Variants in ZHX3 observed in about 807,000 individuals in gnomAD.
ZHX3 encodes zinc fingers and homeoboxes 3.
Under a neutral mutation model 64.5 loss-of-function variants are expected in ZHX3, and 20 were observed. The observed-to-expected ratio is 0.31, with a 90% CI of 0.22 to 0.45. The LOEUF is 0.45. Ranked by LOEUF, ZHX3 falls within the 20% of genes least tolerant of loss-of-function variation. The pLI, the probability that ZHX3 is intolerant of heterozygous loss-of-function variation, is 1.00. For synonymous variants in ZHX3, 423 were observed against 461.6 expected (o/e 0.92, Z 1.07); for missense variants, 1,041 against 1,195.8 (o/e 0.87, Z 1.91).
In ZHX3 at chr20:41,183,273, C is replaced by T. The variant is rs1261437189; in HGVS notation, c.*1918G>A. The stretch of plus-strand genomic sequence containing the variant: ...TGTTCTCTGAAGGAAAGCAATCACT[C>T]GCCATTCTTGGCAATTCCTCAAAGG... On this transcript the variant is annotated 3_prime_UTR_variant, in exon 4 of 4. Transcript: ENST00000683867. This position sits in a 1 kb window ranked among gnomAD's most constrained non-coding sequence, Gnocchi z 5.3. 6.6e-6 allele frequency: 1 copy of T among 152,228 alleles called. No homozygotes were observed. Among genetic ancestry groups the T allele is most frequent in the African/African-American group, 2.4e-5 (1 of 41,454 alleles). 9.4% of individuals were successfully genotyped at this position (152,228 alleles called of 1,614,324 possible). A position where few individuals can be genotyped will look rare whatever the true frequency, so the allele number is the denominator to read the frequency against.
intron 1 of ZHX3, among the ~76,000 whole-genome samples, chr20:41,309,643 C>G (rs1210797631): frequency 6.6e-6 from 1 of 152,212 alleles, no homozygotes; most frequent in Non-Finnish European, 1.5e-5. Context: ...ACTTTTCCAT[C>G]TCCCTCGGGT....
chr20:41,202,588 G>A lies in ZHX3; in HGVS notation c.2329C>T (p.His777Tyr). Residue 777 changes from histidine to tyrosine, a missense_variant, in exon 3 of 4, where the codon CAC (histidine) becomes TAC (tyrosine). Physicochemically the swap from His to Tyr is moderately conservative, Grantham distance 83 (BLOSUM62 2). This residue lies in a region of ZHX3 where 649 missense variants were observed against 739.8 expected (regional missense o/e 0.88). Coordinates refer to ENST00000683867, the MANE Select transcript of ZHX3 (RefSeq NM_001384317.1). The surrounding 1 kb of genome is among the most constrained non-coding windows in gnomAD (Gnocchi z 7.0). ...VSCKKTAQQR[H>Y]LLRQLFVQTQ... ...TGGACAAAGAGCTGCCGCAGCAAGT[G>A]CCGCTGCTGGGCAGTCTTTTTGCAG... is the stretch of plus-strand genomic sequence containing the variant. 1 of 1,613,930 alleles carries A rather than the reference G, an allele frequency of 6.2e-7. No homozygotes were observed. Among genetic ancestry groups the A allele is most frequent in the Non-Finnish European group, 8.5e-7 (1 of 1,180,022 alleles).
rs1365532566 is a variant in ZHX3 at position 41,228,240 on chromosome 20, C to T, written c.-150-23174G>A. 1.3e-5 allele frequency among the ~76,000 whole-genome samples: 2 copies of T among 152,200 alleles called. No individual in the cohort carries two copies. Among genetic ancestry groups the T allele is most frequent in the Admixed American group, 1.3e-4 (2 of 15,280 alleles). ...TATCTACCAAGTTCCAAATCCATTA[C>T]TTCCAACTGCCATTGATCCCTGCAG... On this transcript the variant is annotated intron_variant, in intron 2 of 3. Transcript: ENST00000683867. This position sits in a 1 kb window ranked among gnomAD's most constrained non-coding sequence, Gnocchi z 4.6.
chr20:41,213,830 C>A (rs752041442), intron 2 of ZHX3: 3 of 152,252 alleles, frequency 2.0e-5, no homozygotes, highest in Non-Finnish European at 4.4e-5. Flanking sequence ...CAGCAGCTCA[C>A]GTCTGTAATC....
At chr20:41,260,683 C>T (rs944474481) in intron 2 of ZHX3, among the ~76,000 whole-genome samples, 1 of 152,226 alleles carries the variant, frequency 6.6e-6, no homozygotes, top group Non-Finnish European at 1.5e-5. Context: ...ACAACAATGG[C>T]AACACAAGCA....
intron 1 of ZHX3, among the ~76,000 whole-genome samples, chr20:41,270,775 A>G (rs904424402): frequency 4.6e-5 from 7 of 151,938 alleles, no homozygotes; most frequent in African/African-American, 1.7e-4. Flanking sequence ...TCATCCATCT[A>G]TTTCACTTTT....
chr20:41,265,347 C>G (rs902361518), intron 2 of ZHX3, among the ~76,000 whole-genome samples: 1 of 152,014 alleles, frequency 6.6e-6, no homozygotes, highest in Non-Finnish European at 1.5e-5. Context: ...GGATTACAGG[C>G]ACCCACCACC....
At chr20:41,273,732 T>C (rs2043256574) in intron 1 of ZHX3, among the ~76,000 whole-genome samples, 1 of 152,204 alleles carries the variant, frequency 6.6e-6, no homozygotes, top group Admixed American at 6.5e-5. Context: ...TATACCTATT[T>C]TGATTATTGT....
intron 1 of ZHX3, among the ~76,000 whole-genome samples, chr20:41,276,495 A>G (rs1378150664): frequency 6.6e-6 from 1 of 152,148 alleles, no homozygotes; most frequent in Non-Finnish European, 1.5e-5. Context: ...ATTTGATCCA[A>G]TGTGGTAGTA....
chr20:41,279,095 T>C (rs1396961359), intron 1 of ZHX3, among the ~76,000 whole-genome samples: 1 of 152,140 alleles, frequency 6.6e-6, no homozygotes, highest in Non-Finnish European at 1.5e-5. Context: ...TTATAACATC[T>C]TTGTAAATAA....
rs2146090879 is a variant in ZHX3, at chr20:41,183,059, A to G, written c.*2132T>C. On this transcript the variant is annotated 3_prime_UTR_variant, in exon 4 of 4. Transcript: ENST00000683867. The surrounding 1 kb of genome is among the most constrained non-coding windows in gnomAD (Gnocchi z 5.3). Reference sequence around the variant, plus strand: ...CTGGGCCGCCCCAGCTGCCTAGTGCACTGGTGTCCCTCCAACACAGGCTAC... The same window carrying G: ...CTGGGCCGCCCCAGCTGCCTAGTGCGCTGGTGTCCCTCCAACACAGGCTAC... 1 of 152,296 alleles carries G rather than the reference A, an allele frequency of 6.6e-6. No homozygotes were observed. The highest frequency in any genetic ancestry group is 1.5e-5 in the Non-Finnish European group (1 of 68,034). The allele number at this position is 152,296 out of a possible 1,614,324, so 9.4% of individuals were successfully genotyped here.
At chr20:41,252,575 T>G (rs2042044122) in intron 2 of ZHX3, among the ~76,000 whole-genome samples, 1 of 152,218 alleles carries the variant, frequency 6.6e-6, no homozygotes. Context: ...ATGCCCATCT[T>G]ATTTTTCAGT....
At chr20:41,310,639 G>C (rs2045103350) in intron 1 of ZHX3, among the ~76,000 whole-genome samples, 1 of 150,988 alleles carries the variant, frequency 6.6e-6, no homozygotes, top group Non-Finnish European at 1.5e-5. Flanking sequence ...CTTCTTGAAA[G>C]ATCTCTCTAC....
chr20:41,243,237 A>G (rs1193542936), intron 2 of ZHX3, among the ~76,000 whole-genome samples: 1 of 152,212 alleles, frequency 6.6e-6, no homozygotes, highest in Non-Finnish European at 1.5e-5. Flanking sequence ...TCCACAGTGA[A>G]TAGGATGTGC....
intron 2 of ZHX3, among the ~76,000 whole-genome samples, chr20:41,244,983 G>T (rs1453326196): frequency 5.3e-5 from 8 of 152,126 alleles, no homozygotes; most frequent in Non-Finnish European, 2.9e-5. Context: ...GAATTCTGAG[G>T]TTCAAAAGAT....
chr20:41,220,850 T>C (rs2039895072), intron 2 of ZHX3, among the ~76,000 whole-genome samples: 2 of 151,778 alleles, frequency 1.3e-5, no homozygotes, highest in South Asian at 4.2e-4. Flanking sequence ...CGTGCCACCA[T>C]GCCCAGCTAT....
rs773669184 is a variant in ZHX3 at position 41,204,849 on chromosome 20, G to T, written c.68C>A (p.Ala23Asp). 1 of 1,591,570 alleles carries T rather than the reference G, an allele frequency of 6.3e-7. No homozygotes were observed. The highest frequency in any genetic ancestry group is 8.6e-7 in the Non-Finnish European group (1 of 1,168,562). Residue 23 changes from alanine (A) to aspartate (D), a missense_variant, in exon 3 of 4, where the codon GCC (alanine) becomes GAC (aspartate). Ala to Asp is a moderately radical substitution (Grantham distance 126). Coordinates refer to ENST00000683867, the MANE Select transcript of ZHX3 (RefSeq NM_001384317.1). The surrounding 1 kb of genome is among the most constrained non-coding windows in gnomAD (Gnocchi z 6.6). Reference sequence around the variant, plus strand: ...CTCAGCGGGCTGGGCCTCCATGCTGGCATCTTGCAACACCACAGTCTTCAC... The same window carrying T: ...CTCAGCGGGCTGGGCCTCCATGCTGTCATCTTGCAACACCACAGTCTTCAC... ...IPVKTVVLQD[A>D]SMEAQPAETL...
chr20:41,192,117 T>C (rs1295933830), intron 3 of ZHX3, among the ~76,000 whole-genome samples: 2 of 152,190 alleles, frequency 1.3e-5, no homozygotes, highest in Non-Finnish European at 2.9e-5. Flanking sequence ...AAGTGATATG[T>C]GCTTGTGTTG....
At chr20:41,231,555 A>G (rs1450205545) in intron 2 of ZHX3, among the ~76,000 whole-genome samples, 1 of 152,212 alleles carries the variant, frequency 6.6e-6, no homozygotes, top group South Asian at 2.1e-4. Context: ...AGCACATTCT[A>G]CCTTATAATT....
Sources: gnomAD v4.1 joint callset for allele counts (sites outside exome capture counted in the v4.1 genomes callset) on GRCh38, gnomAD v4.1.1 for gene constraint, gnomAD v4.1.1 regional missense constraint, Gnocchi (gnomAD v3.1) non-coding constraint, MANE v1.5 for transcripts, NCBI Gene and HGNC (gene_info 2026-07-23, HGNC 2026-07-21) for gene names.